FSTL5: variants seen among roughly 807,000 people sequenced by gnomAD.
FSTL5 encodes follistatin like 5.
FSTL5 carries 62 observed loss-of-function variants against 89.1 expected under a neutral mutation model. The observed-to-expected ratio is 0.70, with a 90% CI of 0.57 to 0.86. The LOEUF (loss-of-function observed/expected upper bound fraction) is 0.86. Ranked by LOEUF, FSTL5 falls within the 40% of genes least tolerant of loss-of-function variation. The pLI is 0.00. For synonymous variants in FSTL5, 383 were observed against 346.2 expected (o/e 1.11, Z -1.18); for missense variants, 1,057 against 1,001.6 (o/e 1.06, Z -0.75).
At chr4:162,150,185 T>C (rs1411222623) in intron 1 of FSTL5, among the ~76,000 whole-genome samples, 1 of 152,158 alleles carries the variant, frequency 6.6e-6, no homozygotes, top group Non-Finnish European at 1.5e-5. Context: ...ATACTGGGCC[T>C]AATGTTTTTA....
At chr4:161,877,317 TATG>T (rs913140757) in intron 4 of FSTL5, among the ~76,000 whole-genome samples, 5 of 150,930 alleles carry the variant, frequency 3.3e-5, no homozygotes, top group Admixed American at 6.6e-5. Context: ...CAAAAATTAC[TATG>T]ATAATATAAT....
At chr4:161,520,077 C>A (rs1227997218) in intron 10 of FSTL5, among the ~76,000 whole-genome samples, 1 of 151,858 alleles carries the variant, frequency 6.6e-6, no homozygotes, top group Non-Finnish European at 1.5e-5. Flanking sequence ...ATACCTTAAC[C>A]TTTAGTTAGG....
intron 6 of FSTL5, among the ~76,000 whole-genome samples, chr4:161,749,642 A>C (rs773369732): frequency 4.6e-5 from 7 of 151,990 alleles, no homozygotes; most frequent in Admixed American, 1.3e-4. Flanking sequence ...CTAAAAATAC[A>C]ATAGCCGGGC....
intron 3 of FSTL5, among the ~76,000 whole-genome samples, chr4:161,990,406 A>G (rs1736078111): frequency 6.6e-6 from 1 of 152,142 alleles, no homozygotes; most frequent in African/African-American, 2.4e-5. Flanking sequence ...ATAATCTTAT[A>G]AAAAGTTAAA....
chr4:161,913,667 G>C (rs1049693086), intron 4 of FSTL5, among the ~76,000 whole-genome samples: 2 of 152,150 alleles, frequency 1.3e-5, no homozygotes, highest in African/African-American at 4.8e-5. Flanking sequence ...CAGTGGCAGA[G>C]CTACCCAAGA....
chr4:161,776,702 C>A (rs1741424325), intron 4 of FSTL5, among the ~76,000 whole-genome samples: 1 of 151,178 alleles, frequency 6.6e-6, no homozygotes, highest in Admixed American at 6.6e-5. Flanking sequence ...TTAGTTGTTA[C>A]AAATAAATAA....
intron 3 of FSTL5, among the ~76,000 whole-genome samples, chr4:161,984,908 A>G (rs1735919738): frequency 6.6e-6 from 1 of 152,018 alleles, no homozygotes; most frequent in Non-Finnish European, 1.5e-5. Flanking sequence ...AATGGGCTTT[A>G]GAATATCTTT....
intron 2 of FSTL5, among the ~76,000 whole-genome samples, chr4:162,057,643 T>C (rs1738588798): frequency 6.6e-6 from 1 of 152,142 alleles, no homozygotes; most frequent in Non-Finnish European, 1.5e-5. Flanking sequence ...TGTATGTTTA[T>C]ATTTGAAAGA....
intron 1 of FSTL5, among the ~76,000 whole-genome samples, chr4:162,153,543 G>A (rs946402277): frequency 2.0e-5 from 3 of 147,930 alleles, no homozygotes; most frequent in African/African-American, 7.5e-5. Flanking sequence ...GAAACAGCAG[G>A]TATTTAATAT....
intron 4 of FSTL5, among the ~76,000 whole-genome samples, chr4:161,918,955 T>C (rs1427660375): frequency 6.6e-6 from 1 of 152,150 alleles, no homozygotes; most frequent in African/African-American, 2.4e-5. Context: ...CACATGATAT[T>C]AAATATTATG....
At chr4:161,567,810 C>G (rs983380189) in intron 8 of FSTL5, among the ~76,000 whole-genome samples, 1 of 140,408 alleles carries the variant, frequency 7.1e-6, no homozygotes, top group Non-Finnish European at 1.6e-5. Flanking sequence ...ATCTACACGT[C>G]TTTGATTCAT....
intron 6 of FSTL5, among the ~76,000 whole-genome samples, chr4:161,689,392 G>C (rs1737849803): frequency 6.6e-6 from 1 of 151,992 alleles, no homozygotes; most frequent in African/African-American, 2.4e-5. Flanking sequence ...TGGTTGGTTT[G>C]AATTGTGATG....
intron 3 of FSTL5, among the ~76,000 whole-genome samples, chr4:161,932,959 A>C (rs947888567): frequency 6.6e-6 from 1 of 152,154 alleles, no homozygotes; most frequent in Non-Finnish European, 1.5e-5. Context: ...GTTATAAAAT[A>C]AAACAAAGCT....
intron 7 of FSTL5, among the ~76,000 whole-genome samples, chr4:161,624,350 T>C (rs1735238444): frequency 6.6e-6 from 1 of 152,026 alleles, no homozygotes; most frequent in Non-Finnish European, 1.5e-5. Context: ...CCTTTACGTA[T>C]GTATCCATAG....
At chr4:161,989,243 T>C (rs1043910896) in intron 3 of FSTL5, among the ~76,000 whole-genome samples, 2 of 152,100 alleles carry the variant, frequency 1.3e-5, no homozygotes, top group Non-Finnish European at 1.5e-5. Flanking sequence ...AATTGACTTC[T>C]CAAAAAGACA....
chr4:162,005,246 CT>C (rs1736583833), intron 3 of FSTL5, among the ~76,000 whole-genome samples: 3 of 152,110 alleles, frequency 2.0e-5, no homozygotes, highest in African/African-American at 4.8e-5. Context: ...TAGGACACAA[CT>C]TGAAATACAA....
intron 6 of FSTL5, among the ~76,000 whole-genome samples, chr4:161,675,827 T>A (rs2126703117): frequency 6.6e-6 from 1 of 152,170 alleles, no homozygotes; most frequent in East Asian, 1.9e-4. Flanking sequence ...AATGTATATC[T>A]TATATGGATA....
intron 7 of FSTL5, among the ~76,000 whole-genome samples, chr4:161,631,476 G>A (rs1307705222): frequency 6.6e-6 from 1 of 152,142 alleles, no homozygotes. Flanking sequence ...AATTAGCCAG[G>A]AATGGTGGCA....
At chr4:161,902,677 C>A (rs2110799292) in intron 4 of FSTL5, among the ~76,000 whole-genome samples, 1 of 152,106 alleles carries the variant, frequency 6.6e-6, no homozygotes, top group African/African-American at 2.4e-5. Flanking sequence ...AAAACCCTGT[C>A]TCTACTAAAA....
Sources: allele counts gnomAD v4.1 joint callset (sites outside exome capture counted in the v4.1 genomes callset), GRCh38; gene constraint gnomAD v4.1.1; transcripts MANE v1.5; gene names NCBI Gene and HGNC (gene_info 2026-07-23, HGNC 2026-07-21).